Variants in RIMKLB observed in about 807,000 individuals in gnomAD.
RIMKLB encodes the protein beta-citrylglutamate synthase B.
In RIMKLB, 7 loss-of-function variants were observed where a neutral mutation model predicts 32.0. That is an observed-to-expected ratio of 0.22 (90% confidence interval 0.12 to 0.41). The LOEUF (loss-of-function observed/expected upper bound fraction) is 0.41. Ranked by LOEUF, RIMKLB falls within the 10% of genes least tolerant of loss-of-function variation. The probability of loss-of-function intolerance (pLI) is 1.00; values close to 1 mark genes in which losing one functional copy is unlikely to be tolerated. For missense variants in RIMKLB, 289 were observed against 498.7 expected (o/e 0.58, Z 4.00); for synonymous variants, 172 against 185.1 (o/e 0.93, Z 0.57).
intron 5 of RIMKLB, among the ~76,000 whole-genome samples, chr12:8,764,998 A>G (rs776173086): frequency 6.6e-6 from 1 of 150,578 alleles, no homozygotes; most frequent in East Asian, 2.0e-4. Flanking sequence ...ATTATAAAAA[A>G]CCGAGATTGC....
At chr12:8,710,307 CTTTTTTT>C (rs762963381) in intron 1 of RIMKLB, among the ~76,000 whole-genome samples, 12 of 125,602 alleles carry the variant, frequency 9.6e-5, no homozygotes, top group East Asian at 4.4e-4. Context: ...TTGTTTCCTT[CTTTTTTT>C]TTTTTTTTTT....
At chr12:8,763,448 C>G (rs907605597) in intron 5 of RIMKLB, among the ~76,000 whole-genome samples, 5 of 152,216 alleles carry the variant, frequency 3.3e-5, no homozygotes, top group African/African-American at 7.2e-5. Context: ...ATATAATGGC[C>G]TGGCTATTTC....
intron 2 of RIMKLB, among the ~76,000 whole-genome samples, chr12:8,722,812 C>T (rs7313614): frequency 0.083 from 12,568 of 152,304 alleles, 1,713 homozygotes; most frequent in African/African-American, 0.28. Context: ...TTGCACTGTG[C>T]TATACAGATG....
chr12:8,732,401 G>A (rs1223098284), intron 2 of RIMKLB, among the ~76,000 whole-genome samples: 1 of 152,102 alleles, frequency 6.6e-6, no homozygotes, highest in Non-Finnish European at 1.5e-5. Context: ...TCCATTAATT[G>A]AAGTCACAGT....
At chr12:8,758,646 G>C (rs1336118246) in intron 5 of RIMKLB, among the ~76,000 whole-genome samples, 1 of 152,036 alleles carries the variant, frequency 6.6e-6, no homozygotes, top group African/African-American at 2.4e-5. Context: ...TTCAGTTCTT[G>C]AATAGTCTTC....
At position 8,747,782 on chromosome 12, in the gene RIMKLB, G is replaced by T. The variant is rs748355842; in HGVS notation, c.176-2080G>T. ...CAATTTTTTTTTTTTTTGAGACAGAGTCTCACTCTATTGTCCAGGCTGGAG... is the reference window on the plus strand; with the variant it reads ...CAATTTTTTTTTTTTTTGAGACAGATTCTCACTCTATTGTCCAGGCTGGAG... On this transcript the variant is annotated intron_variant, in intron 2 of 5. Transcript: ENST00000535829. Among the ~76,000 whole-genome samples the T allele has an allele frequency of 6.0e-5, 9 of 150,192 alleles. No individual in the cohort carries two copies. The South Asian group carries it at 1.9e-3, about 31-fold the overall frequency.
intron 2 of RIMKLB, among the ~76,000 whole-genome samples, chr12:8,731,261 TA>T (rs1215119180): frequency 6.6e-5 from 10 of 150,798 alleles, no homozygotes; most frequent in African/African-American, 9.8e-5. Context: ...CACACCCAGC[TA>T]ATTTTTTGTA....
chr12:8,762,204 A>G (rs774905864), intron 5 of RIMKLB, among the ~76,000 whole-genome samples: 11 of 152,282 alleles, frequency 7.2e-5, no homozygotes, highest in Middle Eastern at 3.4e-3. Context: ...GAGGAGGTGC[A>G]GCGAGAGTGA....
chr12:8,739,970 A>G (rs1204771623), intron 2 of RIMKLB, among the ~76,000 whole-genome samples: 3 of 152,122 alleles, frequency 2.0e-5, no homozygotes, highest in Non-Finnish European at 2.9e-5. Context: ...GTGTGGTGGC[A>G]TAATCTCAGC....
chr12:8,774,838 A>G lies in RIMKLB; in HGVS notation c.*1054A>G. 1.0e-6 allele frequency: 1 copy of G among 985,620 alleles called. No homozygotes were observed. Among genetic ancestry groups the G allele is most frequent in the South Asian group, 4.7e-5 (1 of 21,290 alleles). 61.1% of individuals were successfully genotyped at this position (985,620 alleles called of 1,614,324 possible). Reference sequence around the variant, plus strand: ...TGAAGTGATTTCGAATGCCAGCGTTATATATTTGCATTTTTCACATTTTAC... The same window carrying G: ...TGAAGTGATTTCGAATGCCAGCGTTGTATATTTGCATTTTTCACATTTTAC... On this transcript the variant is annotated 3_prime_UTR_variant, in exon 6 of 6. Transcript: ENST00000535829.
intron 2 of RIMKLB, among the ~76,000 whole-genome samples, chr12:8,726,458 A>G (rs1358721105): frequency 2.0e-5 from 3 of 152,116 alleles, no homozygotes; most frequent in Admixed American, 6.5e-5. Context: ...TTTGTCAGTT[A>G]TATTATTTGC....
rs770248502 is a variant in RIMKLB at position 8,742,252 on chromosome 12, C to A, written c.176-7610C>A. 1.1e-3 allele frequency among the ~76,000 whole-genome samples: 162 copies of A among 152,012 alleles called. 1 individual carries two copies. Among genetic ancestry groups the A allele is most frequent in the Non-Finnish European group, 2.1e-3 (140 of 68,032 alleles). ...ATTTAACATAAAAATCATTAATCAT[C>A]AATAGTTTTAGCCTAAAAAGTAGAA... is the stretch of plus-strand genomic sequence containing the variant. On this transcript the variant is annotated intron_variant, in intron 2 of 5. Coordinates refer to ENST00000535829, the MANE Select transcript of RIMKLB (RefSeq NM_001297776.2).
the RIMKLB span, among the ~76,000 whole-genome samples, chr12:8,674,471 C>T: frequency 6.6e-6 from 1 of 151,774 alleles, no homozygotes; most frequent in Non-Finnish European, 1.5e-5. Flanking sequence ...GATCTCCTGA[C>T]CTTGTGATCC....
In RIMKLB at chr12:8,774,937, A is replaced by T. The variant is rs763743346; in HGVS notation, c.*1153A>T. The stretch of plus-strand genomic sequence containing the variant: ...TGCTTTTTGTTTCCATCAACTAATC[A>T]AAAAGGATAATTTAGAAAATGGAGC... On this transcript the variant is annotated 3_prime_UTR_variant, in exon 6 of 6. Coordinates refer to ENST00000535829, the MANE Select transcript of RIMKLB (RefSeq NM_001297776.2). 9.6e-5 allele frequency: 95 copies of T among 985,726 alleles called. No individual in the cohort carries two copies. Among genetic ancestry groups the T allele is most frequent in the Non-Finnish European group, 1.0e-4 (85 of 829,916 alleles). The allele number at this position is 985,726 out of a possible 1,614,324, so 61.1% of individuals were successfully genotyped here.
rs1376934835 is a variant in RIMKLB, at chr12:8,776,014, C to G, written c.*2230C>G. 1.0e-6 allele frequency: 1 copy of G among 984,042 alleles called. No homozygotes were observed. Among genetic ancestry groups the G allele is most frequent in the African/African-American group, 1.7e-5 (1 of 57,180 alleles). The allele number at this position is 984,042 out of a possible 1,614,324, so 61.0% of individuals were successfully genotyped here. On this transcript the variant is annotated 3_prime_UTR_variant, in exon 6 of 6. Transcript: ENST00000535829. ...GAAATAAATGAGGAAGAAAGAACTG[C>G]TTAATTAAATTATCATTCATATGTT...
the RIMKLB span, among the ~76,000 whole-genome samples, chr12:8,672,573 A>G: frequency 6.6e-5 from 10 of 152,180 alleles, no homozygotes; most frequent in South Asian, 2.1e-3. Flanking sequence ...ATGAGACTTA[A>G]TCACTACCAC....
intron 2 of RIMKLB, among the ~76,000 whole-genome samples, chr12:8,730,517 G>A (rs779364800): frequency 1.3e-5 from 2 of 152,246 alleles, no homozygotes; most frequent in South Asian, 4.1e-4. Flanking sequence ...GACTGTAGCT[G>A]GCTTGCAGCT....
intron 2 of RIMKLB, among the ~76,000 whole-genome samples, chr12:8,732,071 C>T (rs1946596112): frequency 1.3e-5 from 2 of 151,874 alleles, no homozygotes; most frequent in Non-Finnish European, 2.9e-5. Flanking sequence ...TGCTTGGTGT[C>T]TTGGGTCCCT....
chr12:8,759,660 A>G (rs896577113), intron 5 of RIMKLB, among the ~76,000 whole-genome samples: 13 of 152,286 alleles, frequency 8.5e-5, no homozygotes, highest in African/African-American at 2.9e-4. Flanking sequence ...AACGACTACT[A>G]AATGCCAATA....
Sources: gnomAD v4.1 joint callset for allele counts (sites outside exome capture counted in the v4.1 genomes callset) on GRCh38, gnomAD v4.1.1 for gene constraint, MANE v1.5 for transcripts, NCBI Gene and HGNC (gene_info 2026-07-23, HGNC 2026-07-21) for gene names.